CHSY3: variants seen among roughly 807,000 people sequenced by gnomAD.
The protein encoded by CHSY3 is N-acetylgalactosaminyl-proteoglycan 3-beta-glucuronosyltransferase 3.
A neutral mutation model predicts 67.2 loss-of-function variants in CHSY3; 35 were observed. The ratio of observed to expected loss-of-function variants is 0.52; its 90% CI spans 0.40 to 0.69. The LOEUF (loss-of-function observed/expected upper bound fraction) is 0.69, where lower values mean the gene tolerates loss of function less well. Among genes scored for constraint, CHSY3 ranks in the 30% least tolerant of loss-of-function variants. CHSY3 has a pLI of 0.00. For synonymous variants in CHSY3, 474 were observed against 434.7 expected (o/e 1.09, Z -1.12); for missense variants, 1,069 against 1,138.5 (o/e 0.94, Z 0.88).
At chr5:130,151,473 G>A (rs1769230243) in intron 2 of CHSY3, among the ~76,000 whole-genome samples, 1 of 152,176 alleles carries the variant, frequency 6.6e-6, no homozygotes, top group African/African-American at 2.4e-5. Flanking sequence ...TTGACTGTGT[G>A]CCAGGTGCTA....
chr5:130,170,474 T>C (rs1769868143), intron 2 of CHSY3, among the ~76,000 whole-genome samples: 1 of 152,122 alleles, frequency 6.6e-6, no homozygotes, highest in Non-Finnish European at 1.5e-5. Context: ...TGTATATAAT[T>C]ATTTATTTTC....
chr5:130,009,510 A>C (rs1763984315), intron 2 of CHSY3, among the ~76,000 whole-genome samples: 1 of 152,062 alleles, frequency 6.6e-6, no homozygotes, highest in Non-Finnish European at 1.5e-5. Flanking sequence ...CACCAAAAAA[A>C]AAAAGAAGAA....
At chr5:130,138,022 A>T (rs752039437) in intron 2 of CHSY3, among the ~76,000 whole-genome samples, 19 of 152,192 alleles carry the variant, frequency 1.2e-4, no homozygotes, top group Non-Finnish European at 2.4e-4. Context: ...AAGAGGAGAG[A>T]GAGAGAAACT....
intron 2 of CHSY3, among the ~76,000 whole-genome samples, chr5:130,064,743 G>A (rs928107222): frequency 6.6e-6 from 1 of 152,118 alleles, no homozygotes. Flanking sequence ...GATTTGCAGG[G>A]TCTAGAAAGT....
intron 2 of CHSY3, among the ~76,000 whole-genome samples, chr5:130,143,798 A>ATTTGTGTG (rs1384663917): frequency 1.1e-5 from 1 of 89,246 alleles, no homozygotes; most frequent in Non-Finnish European, 2.1e-5. Context: ...ATATATATAT[A>ATTTGTGTG]TATATATGTG....
intron 2 of CHSY3, among the ~76,000 whole-genome samples, chr5:130,036,958 G>C (rs1016415387): frequency 3.3e-5 from 5 of 152,078 alleles, no homozygotes; most frequent in African/African-American, 1.2e-4. Flanking sequence ...CTTGAGGAAA[G>C]ATACTAAAAG....
At chr5:130,016,080 C>G (rs1190094298) in intron 2 of CHSY3, among the ~76,000 whole-genome samples, 6 of 152,158 alleles carry the variant, frequency 3.9e-5, no homozygotes, top group Non-Finnish European at 8.8e-5. Context: ...CCTGAGCCTA[C>G]TTGAAGGTGG....
At chr5:130,001,975 A>C in intron 2 of CHSY3, 1 of 868,332 alleles carries the variant, frequency 1.2e-6, no homozygotes, top group Non-Finnish European at 1.4e-6. Context: ...TATTGGCTAC[A>C]ATAAGCCAAT....
chr5:130,097,920 G>A (rs1044079200), intron 2 of CHSY3, among the ~76,000 whole-genome samples: 1 of 152,044 alleles, frequency 6.6e-6, no homozygotes, highest in Non-Finnish European at 1.5e-5. Context: ...GCAGGAGACT[G>A]GTGAACCCGG....
chr5:130,039,755 A>G (rs1288087085), intron 2 of CHSY3, among the ~76,000 whole-genome samples: 1 of 152,032 alleles, frequency 6.6e-6, no homozygotes, highest in Non-Finnish European at 1.5e-5. Flanking sequence ...TAAGATTACA[A>G]GTGTGAGCCA....
rs1763513820 is a variant in CHSY3, at chr5:129,995,566, T to A, written c.1086+87206T>A. Reference sequence around the variant, plus strand: ...CTCTGTTGCCCAGGCTGGAGTGCAGTGGCTGTGTACTTTTAAGAAAAGTAG... The same window carrying A: ...CTCTGTTGCCCAGGCTGGAGTGCAGAGGCTGTGTACTTTTAAGAAAAGTAG... On this transcript the variant is annotated intron_variant, in intron 2 of 2. Transcript: ENST00000305031. Among the ~76,000 whole-genome samples, 7 of 151,448 alleles carry A rather than the reference T, an allele frequency of 4.6e-5. No homozygotes were observed. The Admixed American group carries it at 4.6e-4, about 10-fold the overall frequency.
At chr5:129,961,182 T>C (rs1406836602) in intron 2 of CHSY3, among the ~76,000 whole-genome samples, 1 of 152,098 alleles carries the variant, frequency 6.6e-6, no homozygotes, top group African/African-American at 2.4e-5. Context: ...TTAAATTCAG[T>C]ATTTCTGACA....
intron 2 of CHSY3, among the ~76,000 whole-genome samples, chr5:129,952,143 T>C (rs930383776): frequency 1.4e-4 from 22 of 152,172 alleles, no homozygotes; most frequent in Non-Finnish European, 2.8e-4. Flanking sequence ...AAGAGACTGA[T>C]GTTGGAGGAA....
chr5:129,962,032 G>A (rs1346718162), intron 2 of CHSY3, among the ~76,000 whole-genome samples: 1 of 151,760 alleles, frequency 6.6e-6, no homozygotes, highest in Non-Finnish European at 1.5e-5. Context: ...ACATAACAGG[G>A]GTCCTACTCA....
chr5:129,905,912 C>G, intron 1 of CHSY3: 2 of 610,742 alleles, frequency 3.3e-6, no homozygotes, highest in Non-Finnish European at 2.6e-6. Context: ...TTAGTCTTTA[C>G]CTCGTCGGAG....
At chr5:130,117,223 G>A (rs1767839511) in intron 2 of CHSY3, among the ~76,000 whole-genome samples, 1 of 152,156 alleles carries the variant, frequency 6.6e-6, no homozygotes, top group African/African-American at 2.4e-5. Flanking sequence ...GGAAAGTGAT[G>A]GTCTTAAATT....
chr5:130,124,203 G>A (rs186084769), intron 2 of CHSY3, among the ~76,000 whole-genome samples: 3 of 152,028 alleles, frequency 2.0e-5, no homozygotes, highest in Admixed American at 6.5e-5. Flanking sequence ...GATGTGAGCC[G>A]TGGTTGCAGG....
intron 2 of CHSY3, among the ~76,000 whole-genome samples, chr5:129,950,621 A>C (rs1231649906): frequency 6.6e-6 from 1 of 152,210 alleles, no homozygotes; most frequent in Non-Finnish European, 1.5e-5. Context: ...TTTCCTGTAC[A>C]CTAACAGTGA....
intron 2 of CHSY3, among the ~76,000 whole-genome samples, chr5:130,099,536 C>T (rs937526073): frequency 2.6e-5 from 4 of 152,180 alleles, no homozygotes; most frequent in African/African-American, 9.7e-5. Flanking sequence ...ATACGTATGT[C>T]TGTACGCGAA....
Sources: gnomAD v4.1 joint callset for allele counts (sites outside exome capture counted in the v4.1 genomes callset) on GRCh38, gnomAD v4.1.1 for gene constraint, MANE v1.5 for transcripts, NCBI Gene and HGNC (gene_info 2026-07-23, HGNC 2026-07-21) for gene names.